SLC5A12: variants seen among roughly 807,000 people sequenced by gnomAD.
The protein encoded by SLC5A12 is solute carrier family 5 member 12.
A neutral mutation model predicts 72.7 loss-of-function variants in SLC5A12; 46 were observed. The observed-to-expected ratio is 0.63, with a 90% CI of 0.50 to 0.81. The LOEUF (loss-of-function observed/expected upper bound fraction) is 0.81. Among genes scored for constraint, SLC5A12 ranks in the 30% least tolerant of loss-of-function variants. The pLI, the probability that SLC5A12 is intolerant of heterozygous loss-of-function variation, is 0.00. For synonymous variants in SLC5A12, 275 were observed against 264.4 expected, an observed-to-expected ratio of 1.04 and a Z score of -0.39; for missense variants, 683 against 740.7, an observed-to-expected ratio of 0.92 and a Z score of 0.90.
chr11:26,706,207 G>C (rs1855086621), intron 4 of SLC5A12, among the ~76,000 whole-genome samples: 1 of 152,038 alleles, frequency 6.6e-6, no homozygotes, highest in Admixed American at 6.6e-5. Context: ...TTTGACGAGA[G>C]AGAAGAACAG....
chr11:26,680,544 G>A (rs912962277), intron 12 of SLC5A12, among the ~76,000 whole-genome samples: 11 of 151,082 alleles, frequency 7.3e-5, no homozygotes, highest in Admixed American at 2.7e-4. Flanking sequence ...GTCCACAATC[G>A]TCTCTCTACA....
At chr11:26,678,660 C>A in intron 13 of SLC5A12, 52 bp downstream of exon 13, 2 of 1,296,526 alleles carry the variant, frequency 1.5e-6, no homozygotes, top group Non-Finnish European at 1.1e-6. Context: ...TCCACCAATG[C>A]ATGCATGAGC....
At chr11:26,696,152 C>T (rs1190022648) in intron 8 of SLC5A12, among the ~76,000 whole-genome samples, 1 of 152,114 alleles carries the variant, frequency 6.6e-6, no homozygotes, top group Admixed American at 6.6e-5. Flanking sequence ...TCTTGTTAAT[C>T]TTTTTTACTC....
At chr11:26,718,059 A>G (rs1192917108) in intron 1 of SLC5A12, among the ~76,000 whole-genome samples, 5 of 152,328 alleles carry the variant, frequency 3.3e-5, no homozygotes, top group Non-Finnish European at 7.3e-5. Flanking sequence ...GTGGATAAAG[A>G]GACTCCACCT....
intron 8 of SLC5A12, among the ~76,000 whole-genome samples, chr11:26,696,428 A>C (rs1267423989): frequency 6.6e-6 from 1 of 152,234 alleles, no homozygotes; most frequent in Non-Finnish European, 1.5e-5. Context: ...GATGTGCAGA[A>C]TATATAGCCA....
At chr11:26,723,012 CAG>C (rs1183188693), upstream of SLC5A12, among the ~76,000 whole-genome samples, 1 of 151,478 alleles carries the variant, frequency 6.6e-6, no homozygotes, top group Non-Finnish European at 1.5e-5. Context: ...TAACCGGCTA[CAG>C]GAGTCTGTCA....
intron 1 of SLC5A12, among the ~76,000 whole-genome samples, chr11:26,713,623 T>C (rs1210198557): frequency 1.3e-5 from 2 of 152,150 alleles, no homozygotes; most frequent in Non-Finnish European, 2.9e-5. Context: ...CATATGGCAC[T>C]AATATTAAGA....
intron 3 of SLC5A12, among the ~76,000 whole-genome samples, chr11:26,710,323 CAT>C (rs1392235291): frequency 6.6e-6 from 1 of 152,138 alleles, no homozygotes; most frequent in Admixed American, 6.6e-5. Flanking sequence ...CTGCAATAAA[CAT>C]ATGTGTGCAT....
chr11:26,711,416 G>T, intron 2 of SLC5A12, 58 bp from the exon 3 acceptor site: 4 of 1,366,640 alleles, frequency 2.9e-6, no homozygotes, highest in Non-Finnish European at 4.2e-6. Flanking sequence ...AAGGAAAACT[G>T]CCTAGAAAGT....
chr11:26,721,040 G>A (rs1855467576), intron 1 of SLC5A12, among the ~76,000 whole-genome samples: 1 of 152,080 alleles, frequency 6.6e-6, no homozygotes, highest in African/African-American at 2.4e-5. Flanking sequence ...TGTTCTGTTT[G>A]CTTTTCAGAA....
intron 1 of SLC5A12, 129 bp from the exon 2 acceptor site, chr11:26,712,835 T>C (rs181150993): frequency 2.3e-6 from 1 of 431,632 alleles, no homozygotes; most frequent in Admixed American, 3.3e-5. Context: ...TATGTATCCT[T>C]AGAAGCAACA....
chr11:26,692,790 T>C (rs1752502797), intron 8 of SLC5A12, among the ~76,000 whole-genome samples, 189 bp from the exon 9 acceptor site: 1 of 152,216 alleles, frequency 6.6e-6, no homozygotes, highest in East Asian at 1.9e-4. Flanking sequence ...TTTTCCATGC[T>C]ATTGCTCTTA....
At position 26,669,187 on chromosome 11, in the gene SLC5A12, T is replaced by TTTTCTTTTCTTTC. The variant is rs1554988602; in HGVS notation, c.*1914_*1915insGAAAGAAAAGAAA. ...TGTCTTTTTCTTTCTTTCTTTCTTCTTTTCTTTCTTTCTTTCTTTCTTTCT... is the reference window on the plus strand; with the variant it reads ...TGTCTTTTTCTTTCTTTCTTTCTTCTTTTCTTTTCTTTCTTTCTTTCTTTCTTTCTTTCTTTCT... On this transcript the variant is annotated 3_prime_UTR_variant, in exon 15 of 15. Transcript: ENST00000396005. 1 of 110,942 alleles carries TTTTCTTTTCTTTC rather than the reference T, an allele frequency of 9.0e-6. No individual in the cohort carries two copies. Among genetic ancestry groups the TTTTCTTTTCTTTC allele is most frequent in the African/African-American group, 3.2e-5 (1 of 31,104 alleles). 6.9% of individuals were successfully genotyped at this position (110,942 alleles called of 1,614,324 possible). A position where few individuals can be genotyped will look rare whatever the true frequency, so the allele number is the denominator to read the frequency against.
At chr11:26,715,181 T>C (rs1434281800) in intron 1 of SLC5A12, among the ~76,000 whole-genome samples, 2 of 152,142 alleles carry the variant, frequency 1.3e-5, no homozygotes, top group Non-Finnish European at 1.5e-5. Context: ...GAGCTAGGGC[T>C]ATAGTAGGAT....
chr11:26,669,228 C>CTTTCTTTCTTT lies in SLC5A12; in HGVS notation c.*1873_*1874insAAAGAAAGAAA, dbSNP rs778074459. On this transcript the variant is annotated 3_prime_UTR_variant, in exon 15 of 15. Coordinates refer to ENST00000396005, the MANE Select transcript of SLC5A12 (RefSeq NM_178498.4). Reference sequence around the variant, plus strand: ...CTTTCTTTCTTTCTTTCTCTCTCTCCCTCCCTCTTTCTTTCTCTCTTCTTT... The same window carrying CTTTCTTTCTTT: ...CTTTCTTTCTTTCTTTCTCTCTCTCCTTTCTTTCTTTCTCCCTCTTTCTTTCTCTCTTCTTT... 2.5e-5 allele frequency: 1 copy of CTTTCTTTCTTT among 40,356 alleles called. No individual in the cohort carries two copies. Among genetic ancestry groups the CTTTCTTTCTTT allele is most frequent in the African/African-American group, 5.8e-5 (1 of 17,248 alleles). 2.5% of individuals were successfully genotyped at this position (40,356 alleles called of 1,614,324 possible). A position where few individuals can be genotyped will look rare whatever the true frequency, so the allele number is the denominator to read the frequency against.
chr11:26,697,892 C>CTT (rs34284911), intron 7 of SLC5A12, among the ~76,000 whole-genome samples: 10,077 of 93,822 alleles, frequency 0.11, 1,106 homozygotes, highest in African/African-American at 0.12. Flanking sequence ...GAGATGCCGT[C>CTT]TTTTTTTTTT....
chr11:26,701,379 TG>T (rs1392512722), intron 6 of SLC5A12, among the ~76,000 whole-genome samples: 1 of 152,232 alleles, frequency 6.6e-6, no homozygotes, highest in Non-Finnish European at 1.5e-5. Context: ...GAACCAGGAA[TG>T]GCAGTCCTGA....
intron 1 of SLC5A12, chr11:26,716,200 A>T (rs1348265093): frequency 1.3e-5 from 2 of 152,188 alleles, no homozygotes; most frequent in Non-Finnish European, 2.9e-5. Context: ...TGGTTTTCGC[A>T]TTTCAGTTAA....
rs1377985942 is a variant in SLC5A12 at position 26,670,494 on chromosome 11, G to A, written c.*608C>T. 1.4e-5 allele frequency: 2 copies of A among 144,990 alleles called. No individual in the cohort carries two copies. Among genetic ancestry groups the A allele is most frequent in the African/African-American group, 2.5e-5 (1 of 39,496 alleles). The allele number at this position is 144,990 out of a possible 1,614,324, so 9.0% of individuals were successfully genotyped here. A position where few individuals can be genotyped will look rare whatever the true frequency, so the allele number is the denominator to read the frequency against. ...TATTTAGCTGAATTTTTTTTTTAAT[G>A]TTTGGTCAGGACAGCTAATGACTGG... On this transcript the variant is annotated 3_prime_UTR_variant, in exon 15 of 15. Transcript: ENST00000396005.
Sources: allele counts gnomAD v4.1 joint callset (sites outside exome capture counted in the v4.1 genomes callset), GRCh38; gene constraint gnomAD v4.1.1; transcripts MANE v1.5; gene names NCBI Gene and HGNC (gene_info 2026-07-23, HGNC 2026-07-21).